NTN1: variants seen among roughly 807,000 people sequenced by gnomAD.
NTN1 encodes netrin-1.
In NTN1, 11 loss-of-function variants were observed where a neutral mutation model predicts 54.2. That is an observed-to-expected ratio of 0.20 (90% CI 0.13 to 0.34). The LOEUF (loss-of-function observed/expected upper bound fraction) is 0.34. NTN1 is among the 10% of genes least tolerant of loss of function. The pLI, the probability that NTN1 is intolerant of heterozygous loss-of-function variation, is 1.00. For synonymous variants in NTN1, 371 were observed against 382.0 expected (o/e 0.97, Z 0.33); for missense variants, 740 against 893.1 (o/e 0.83, Z 2.18).
At chr17:9,077,214 G>GA (rs997912004) in intron 2 of NTN1, among the ~76,000 whole-genome samples, 19 of 150,268 alleles carry the variant, frequency 1.3e-4, no homozygotes, top group African/African-American at 3.7e-4. Flanking sequence ...AGGTTCAAAA[G>GA]AAAAAAAAAG....
chr17:9,192,809 G>A (rs1184189320), intron 5 of NTN1, among the ~76,000 whole-genome samples: 1 of 152,150 alleles, frequency 6.6e-6, no homozygotes, highest in African/African-American at 2.4e-5. Flanking sequence ...GGCCGGGCGC[G>A]GTGGCTCACG....
At position 9,212,308 on chromosome 17, in the gene NTN1, C is replaced by T. The variant is rs1009626333; in HGVS notation, c.1412-8860C>T. Among the ~76,000 whole-genome samples the T allele has an allele frequency of 6.6e-6, 1 of 152,172 alleles. No individual in the cohort carries two copies. The highest frequency in any genetic ancestry group is 1.9e-4 in the East Asian group (1 of 5,186). ...GCAGCCTAGGACCAAGAGGTGAGAG[C>T]CAGCTTCCTGGGGAGTGTGTCCTCC... is the stretch of plus-strand genomic sequence containing the variant. On this transcript the variant is annotated intron_variant, in intron 5 of 6. Transcript: ENST00000173229. The surrounding 1 kb of genome is among the most constrained non-coding windows in gnomAD (Gnocchi z 5.5).
At chr17:9,163,521 C>G (rs1276657816) in intron 3 of NTN1, among the ~76,000 whole-genome samples, 1 of 121,770 alleles carries the variant, frequency 8.2e-6, no homozygotes, top group East Asian at 2.5e-4. Flanking sequence ...CACACACACA[C>G]GTACAGTCAC....
Position 9,133,690 on chromosome 17 carries a change from C to T in NTN1, c.1019-29123C>T, listed in dbSNP as rs559149664. On this transcript the variant is annotated intron_variant, in intron 2 of 6. Coordinates refer to ENST00000173229, the MANE Select transcript of NTN1 (RefSeq NM_004822.3). ...GCAACCTCCACCTCCCGGGTTCAAG[C>T]GATTCTCCTGCCTCAGCCTCTTGAG... Among the ~76,000 whole-genome samples, 7 of 148,580 alleles carry T rather than the reference C, an allele frequency of 4.7e-5. No individual in the cohort carries two copies. The East Asian group carries it at 1.2e-3, about 25-fold the overall frequency.
chr17:9,083,703 GAGACCACGA>G (rs2092080474), intron 2 of NTN1, among the ~76,000 whole-genome samples: 1 of 152,196 alleles, frequency 6.6e-6, no homozygotes, highest in Non-Finnish European at 1.5e-5. Flanking sequence ...GGATGATATT[GAGACCACGA>G]AGGCATAGAG....
chr17:9,053,274 C>T (rs2091966786), intron 2 of NTN1, among the ~76,000 whole-genome samples: 1 of 152,182 alleles, frequency 6.6e-6, no homozygotes. Context: ...GACCCTTCTC[C>T]TAAGCCTTTC....
At chr17:9,206,925 T>A (rs894085153) in intron 5 of NTN1, among the ~76,000 whole-genome samples, 1 of 152,172 alleles carries the variant, frequency 6.6e-6, no homozygotes, top group Non-Finnish European at 1.5e-5. Flanking sequence ...AATTGCCTTT[T>A]TCTGCCCTTC....
chr17:9,166,194 A>T (rs2092372874), intron 3 of NTN1, among the ~76,000 whole-genome samples: 1 of 79,014 alleles, frequency 1.3e-5, no homozygotes. Flanking sequence ...CACCACCACC[A>T]CCACCACCAC....
chr17:9,050,121 C>A (rs918662401), intron 2 of NTN1, among the ~76,000 whole-genome samples: 4 of 151,710 alleles, frequency 2.6e-5, no homozygotes, highest in Admixed American at 6.6e-5. Context: ...GTGGTGGACG[C>A]CTGTAGTCCC....
intron 6 of NTN1, among the ~76,000 whole-genome samples, chr17:9,227,553 GCA>G (rs1321484606): frequency 2.5e-5 from 2 of 80,652 alleles, no homozygotes; most frequent in Non-Finnish European, 4.7e-5. Flanking sequence ...TCACACACAG[GCA>G]CACACACTAT....
At chr17:9,108,432 G>A (rs2092176510) in intron 2 of NTN1, among the ~76,000 whole-genome samples, 1 of 152,186 alleles carries the variant, frequency 6.6e-6, no homozygotes, top group African/African-American at 2.4e-5. Context: ...AGAGGCTACT[G>A]TGAGGAAGTC....
At chr17:9,051,486 C>T (rs1452555176) in intron 2 of NTN1, among the ~76,000 whole-genome samples, 1 of 152,218 alleles carries the variant, frequency 6.6e-6, no homozygotes, top group Non-Finnish European at 1.5e-5. Flanking sequence ...CCCCTCTCCA[C>T]TTTGCAGTAT....
At chr17:9,131,406 G>A (rs2092264693) in intron 2 of NTN1, among the ~76,000 whole-genome samples, 1 of 152,112 alleles carries the variant, frequency 6.6e-6, no homozygotes, top group Non-Finnish European at 1.5e-5. Context: ...CCTGTGCCTG[G>A]CGCATAGGCT....
intron 2 of NTN1, among the ~76,000 whole-genome samples, chr17:9,107,405 G>A (rs554375654): frequency 6.6e-6 from 1 of 152,330 alleles, no homozygotes; most frequent in East Asian, 1.9e-4. Flanking sequence ...CAAAAAATGT[G>A]AAAGACATGT....
At chr17:9,201,049 G>A (rs1363149797) in intron 5 of NTN1, among the ~76,000 whole-genome samples, 3 of 152,098 alleles carry the variant, frequency 2.0e-5, no homozygotes, top group Non-Finnish European at 4.4e-5. Context: ...AATAGAGGAC[G>A]ATACTTAGAA....
intron 5 of NTN1, among the ~76,000 whole-genome samples, chr17:9,192,536 G>A (rs1426810689): frequency 1.3e-5 from 2 of 152,246 alleles, no homozygotes; most frequent in African/African-American, 4.8e-5. Flanking sequence ...GGAGGGTGTC[G>A]CTGGCATCTA....
At chr17:9,042,407 G>A (rs1355714796) in intron 2 of NTN1, among the ~76,000 whole-genome samples, 2 of 151,852 alleles carry the variant, frequency 1.3e-5, no homozygotes, top group South Asian at 2.1e-4. Context: ...TTGCACGAGC[G>A]AGGGGTTTGA....
At chr17:9,071,155 G>A (rs1020225897) in intron 2 of NTN1, among the ~76,000 whole-genome samples, 6 of 152,234 alleles carry the variant, frequency 3.9e-5, no homozygotes, top group African/African-American at 1.4e-4. Context: ...GCACTGAAGA[G>A]TCCAGCTCTT....
intron 6 of NTN1, among the ~76,000 whole-genome samples, chr17:9,231,072 C>A (rs549845142): frequency 2.0e-5 from 3 of 152,058 alleles, no homozygotes; most frequent in Admixed American, 6.5e-5. Flanking sequence ...CCTGTGTCTC[C>A]GTGACCACAG....
Sources: allele counts gnomAD v4.1 joint callset (sites outside exome capture counted in the v4.1 genomes callset), GRCh38; gene constraint gnomAD v4.1.1; non-coding constraint Gnocchi (gnomAD v3.1); transcripts MANE v1.5; gene names NCBI Gene and HGNC (gene_info 2026-07-23, HGNC 2026-07-21).